BORCS5: variants seen among roughly 807,000 people sequenced by gnomAD.
The protein encoded by BORCS5 is BLOC-1 related complex subunit 5.
Under a neutral mutation model 22.1 loss-of-function variants are expected in BORCS5, and 17 were observed. That is an observed-to-expected ratio of 0.77 (90% CI 0.53 to 1.15). BORCS5 has a LOEUF of 1.15. Among genes scored for constraint, BORCS5 ranks in the 50% most tolerant of loss-of-function variants. The pLI is 0.00. For missense variants in BORCS5, 247 were observed against 253.2 expected, an observed-to-expected ratio of 0.98 and a Z score of 0.17; for synonymous variants, 117 against 99.8, an observed-to-expected ratio of 1.17 and a Z score of -1.03.
chr12:12,444,997 C>T (rs1226379396), intron 3 of BORCS5, among the ~76,000 whole-genome samples: 3 of 152,088 alleles, frequency 2.0e-5, no homozygotes, highest in Non-Finnish European at 4.4e-5. Flanking sequence ...TATATTAGGC[C>T]ACACTCAAAG....
At chr12:12,432,999 G>T (rs557333186) in intron 2 of BORCS5, among the ~76,000 whole-genome samples, 2 of 151,752 alleles carry the variant, frequency 1.3e-5, no homozygotes, top group African/African-American at 4.8e-5. Context: ...TTGTGTATAG[G>T]AAAAAAAACT....
intron 2 of BORCS5, among the ~76,000 whole-genome samples, chr12:12,419,714 A>C (rs548345543): frequency 7.2e-5 from 11 of 152,210 alleles, no homozygotes; most frequent in Admixed American, 2.0e-4. Context: ...ATGTTGTTTC[A>C]TGACTTTTTA....
At chr12:12,419,653 TC>T (rs1027766348) in intron 2 of BORCS5, among the ~76,000 whole-genome samples, 32 of 152,198 alleles carry the variant, frequency 2.1e-4, no homozygotes, top group African/African-American at 7.2e-4. Flanking sequence ...TAAATTACAC[TC>T]CCACCAACGG....
chr12:12,369,155 T>G (rs1298398919), intron 2 of BORCS5, among the ~76,000 whole-genome samples: 1 of 152,198 alleles, frequency 6.6e-6, no homozygotes, highest in Non-Finnish European at 1.5e-5. Context: ...ATTATATTGA[T>G]CCTTCCGTCT....
chr12:12,393,093 C>T (rs1179568778), intron 2 of BORCS5, among the ~76,000 whole-genome samples: 2 of 152,010 alleles, frequency 1.3e-5, no homozygotes, highest in Admixed American at 6.6e-5. Flanking sequence ...AAAATTAGAC[C>T]AGCACAGTGG....
chr12:12,425,694 CT>C (rs1278044124), intron 2 of BORCS5, among the ~76,000 whole-genome samples: 1 of 152,140 alleles, frequency 6.6e-6, no homozygotes, highest in Admixed American at 6.5e-5. Flanking sequence ...GTTGTTTTAT[CT>C]TTTTAAATTT....
intron 2 of BORCS5, among the ~76,000 whole-genome samples, chr12:12,373,047 A>G (rs1021756093): frequency 1.3e-5 from 2 of 152,104 alleles, no homozygotes; most frequent in Non-Finnish European, 2.9e-5. Context: ...AATCCCCAAT[A>G]TGCTGTATTA....
chr12:12,423,841 A>G (rs1189705655), intron 2 of BORCS5, among the ~76,000 whole-genome samples: 1 of 152,092 alleles, frequency 6.6e-6, no homozygotes, highest in Non-Finnish European at 1.5e-5. Flanking sequence ...GGCATCTGCC[A>G]CCACGCCTGG....
chr12:12,363,577 T>C (rs1321999773), intron 2 of BORCS5, among the ~76,000 whole-genome samples: 1 of 151,874 alleles, frequency 6.6e-6, no homozygotes, highest in African/African-American at 2.4e-5. Context: ...CTACTGAAAG[T>C]ACAAAAAAAA....
intron 3 of BORCS5, among the ~76,000 whole-genome samples, chr12:12,446,529 T>A (rs1327317857): frequency 6.6e-6 from 1 of 152,228 alleles, no homozygotes; most frequent in Non-Finnish European, 1.5e-5. Context: ...AGAGTCTTAT[T>A]TGCTATCTCT....
chr12:12,418,207 T>G lies in BORCS5; in HGVS notation c.203-17421T>G, dbSNP rs968125768. Among the ~76,000 whole-genome samples the G allele has an allele frequency of 2.2e-3, 323 of 149,692 alleles. 3 individuals are homozygous for G. Among genetic ancestry groups the G allele is most frequent in the African/African-American group, 6.7e-3 (273 of 40,818 alleles). On this transcript the variant is annotated intron_variant, in intron 2 of 3. Coordinates refer to ENST00000314565, the MANE Select transcript of BORCS5 (RefSeq NM_058169.6). ...CCTGGCTAATTTTTTTTTTGTTTTT[T>G]TTTTTGTTTTTTTAGTGGAGATGGG...
intron 2 of BORCS5, among the ~76,000 whole-genome samples, chr12:12,373,359 C>T (rs944687555): frequency 3.3e-5 from 5 of 152,216 alleles, no homozygotes; most frequent in Admixed American, 1.3e-4. Context: ...GACCAAGACA[C>T]CTCCCTGGTC....
intron 3 of BORCS5, among the ~76,000 whole-genome samples, chr12:12,453,673 A>AT (rs1942952803): frequency 6.6e-6 from 1 of 152,274 alleles, no homozygotes; most frequent in East Asian, 1.9e-4. Flanking sequence ...TTATTTTATT[A>AT]TTTTTTAAAA....
At chr12:12,385,401 C>T (rs1040119241) in intron 2 of BORCS5, among the ~76,000 whole-genome samples, 2 of 151,500 alleles carry the variant, frequency 1.3e-5, no homozygotes, top group East Asian at 1.9e-4. Context: ...GGAAAGCTTC[C>T]TGTTCTCATT....
intron 2 of BORCS5, among the ~76,000 whole-genome samples, chr12:12,415,680 A>G (rs1393342264): frequency 6.6e-6 from 1 of 151,368 alleles, no homozygotes; most frequent in Non-Finnish European, 1.5e-5. Flanking sequence ...AATAAATCTC[A>G]CTTGGTCATG....
At chr12:12,443,364 C>T (rs1942721699) in intron 3 of BORCS5, among the ~76,000 whole-genome samples, 1 of 152,250 alleles carries the variant, frequency 6.6e-6, no homozygotes, top group South Asian at 2.1e-4. Flanking sequence ...ACAAGTTACT[C>T]TGGCATCAAT....
At chr12:12,376,897 A>G (rs1195500235) in intron 2 of BORCS5, among the ~76,000 whole-genome samples, 1 of 152,204 alleles carries the variant, frequency 6.6e-6, no homozygotes, top group Non-Finnish European at 1.5e-5. Context: ...CCTTTGGTTA[A>G]TAAGGCTTCC....
chr12:12,377,143 C>T (rs1863672806), intron 2 of BORCS5, among the ~76,000 whole-genome samples: 1 of 151,744 alleles, frequency 6.6e-6, no homozygotes, highest in Non-Finnish European at 1.5e-5. Flanking sequence ...TTTATCGTCA[C>T]ACCTCAGGTT....
At chr12:12,438,617 A>T (rs2136129395) in intron 3 of BORCS5, among the ~76,000 whole-genome samples, 1 of 152,178 alleles carries the variant, frequency 6.6e-6, no homozygotes, top group Non-Finnish European at 1.5e-5. Context: ...AATATATATG[A>T]TGGGAAATTT....
Sources: allele counts gnomAD v4.1 joint callset (sites outside exome capture counted in the v4.1 genomes callset), GRCh38; gene constraint gnomAD v4.1.1; transcripts MANE v1.5; gene names NCBI Gene and HGNC (gene_info 2026-07-23, HGNC 2026-07-21).